The following OXR1 variants were observed in gnomAD, a reference collection of about 807,000 sequenced individuals.
OXR1 encodes the protein oxidation resistance protein 1.
Under a neutral mutation model 104.6 loss-of-function variants are expected in OXR1, and 41 were observed. The observed-to-expected ratio is 0.39, with a 90% CI of 0.31 to 0.51. OXR1 has a LOEUF of 0.51. Ranked by LOEUF, OXR1 falls within the 20% of genes least tolerant of loss-of-function variation. The pLI is 0.77. For synonymous variants in OXR1, 348 were observed against 348.4 expected, an observed-to-expected ratio of 1.00 and a Z score of 0.01; for missense variants, 955 against 1,031.9, an observed-to-expected ratio of 0.93 and a Z score of 1.02.
At chr8:106,640,470 T>C (rs1823537062) in intron 3 of OXR1, among the ~76,000 whole-genome samples, 1 of 151,856 alleles carries the variant, frequency 6.6e-6, no homozygotes, top group African/African-American at 2.4e-5. Context: ...CATTGAGACC[T>C]TAAGGATAAG....
At chr8:106,709,961 T>A (rs1264332019) in intron 9 of OXR1, among the ~76,000 whole-genome samples, 2 of 152,114 alleles carry the variant, frequency 1.3e-5, no homozygotes. Context: ...GTCTCCTGAC[T>A]ATAAGTGCTA....
intron 2 of OXR1, among the ~76,000 whole-genome samples, chr8:106,415,020 G>T (rs933611948): frequency 1.3e-5 from 2 of 152,080 alleles, no homozygotes; most frequent in African/African-American, 2.4e-5. Flanking sequence ...GAGGGGTGAT[G>T]GCCTGAATTT....
At chr8:106,688,456 GCCTAGGAAGT>G (rs902553707) in intron 6 of OXR1, among the ~76,000 whole-genome samples, 3 of 152,108 alleles carry the variant, frequency 2.0e-5, no homozygotes, top group African/African-American at 7.2e-5. Context: ...TCTGAGGAAG[GCCTAGGAAGT>G]CCTAAAGGAG....
At chr8:106,539,301 T>C (rs1814777634) in intron 3 of OXR1, among the ~76,000 whole-genome samples, 1 of 152,238 alleles carries the variant, frequency 6.6e-6, no homozygotes, top group African/African-American at 2.4e-5. Flanking sequence ...ATCTAAACAG[T>C]ATTTTGTAAT....
intron 3 of OXR1, among the ~76,000 whole-genome samples, chr8:106,524,041 G>T (rs773224304): frequency 3.1e-4 from 47 of 152,126 alleles, no homozygotes; most frequent in Non-Finnish European, 5.0e-4. Flanking sequence ...CTCCCAAAGT[G>T]CTGGGATTAC....
At chr8:106,665,068 G>T (rs1241687827) in intron 3 of OXR1, among the ~76,000 whole-genome samples, 1 of 152,138 alleles carries the variant, frequency 6.6e-6, no homozygotes, top group Non-Finnish European at 1.5e-5. Context: ...ATTAAAGAAA[G>T]ATTAATAAAG....
chr8:106,531,699 C>A (rs1012515696), intron 3 of OXR1, among the ~76,000 whole-genome samples: 1 of 152,060 alleles, frequency 6.6e-6, no homozygotes, highest in Non-Finnish European at 1.5e-5. Context: ...AGTACTATTT[C>A]AAGGGAGGCA....
chr8:106,429,070 A>G (rs568886506), intron 2 of OXR1, among the ~76,000 whole-genome samples: 2 of 152,280 alleles, frequency 1.3e-5, no homozygotes, highest in East Asian at 1.9e-4. Flanking sequence ...GTCAGGATTC[A>G]GATCCGAAGT....
intron 3 of OXR1, among the ~76,000 whole-genome samples, chr8:106,590,469 G>A (rs1818991874): frequency 6.6e-6 from 1 of 152,176 alleles, no homozygotes; most frequent in South Asian, 2.1e-4. Flanking sequence ...TGTATTTTTA[G>A]TAGAGACAGG....
rs1306151705 is a variant in OXR1, at chr8:106,692,653, T to G, written c.526-75T>G. The stretch of plus-strand genomic sequence containing the variant: ...CACTTATTGGGGAAAGCTATTCATT[T>G]GACTTTTTAATAGTGTGCTCATTTT... On this transcript the variant is annotated intron_variant, in intron 6 of 16. Transcript: ENST00000517566. The G allele has an allele frequency of 4.7e-6, 4 of 855,002 alleles. No homozygotes were observed. In the Admixed American group the frequency reaches 9.6e-5, roughly 21 times the overall value. The allele number at this position is 855,002 out of a possible 1,614,324, so 53.0% of individuals were successfully genotyped here. A position where few individuals can be genotyped will look rare whatever the true frequency, so the allele number is the denominator to read the frequency against.
intron 1 of OXR1, among the ~76,000 whole-genome samples, chr8:106,302,585 CAAA>C (rs201231695): frequency 1.6e-5 from 2 of 125,460 alleles, no homozygotes; most frequent in Non-Finnish European, 3.5e-5. Context: ...GATGCTGTCT[CAAA>C]AAAAAAAAAA....
intron 2 of OXR1, among the ~76,000 whole-genome samples, chr8:106,381,798 T>C (rs1316588691): frequency 6.6e-6 from 1 of 152,216 alleles, no homozygotes; most frequent in East Asian, 1.9e-4. Flanking sequence ...CATTCTGAAG[T>C]TTGAGGCAAG....
intron 8 of OXR1, 41 bp from the exon 9 acceptor site, chr8:106,706,341 A>C: frequency 6.9e-7 from 1 of 1,443,644 alleles, no homozygotes; most frequent in Non-Finnish European, 9.3e-7. Flanking sequence ...AAATACCACA[A>C]TTTTAAAAGT....
chr8:106,675,537 G>A (rs1356797366), intron 3 of OXR1, among the ~76,000 whole-genome samples: 1 of 152,060 alleles, frequency 6.6e-6, no homozygotes. Flanking sequence ...CTTGATTTCT[G>A]CCTTAATTTC....
chr8:106,552,802 T>C (rs1477398951), intron 3 of OXR1, among the ~76,000 whole-genome samples: 1 of 152,206 alleles, frequency 6.6e-6, no homozygotes, highest in East Asian at 1.9e-4. Context: ...GTTAAGTTCA[T>C]TTGTATGAAT....
chr8:106,750,019 C>A (rs1203527479), intron 16 of OXR1, among the ~76,000 whole-genome samples: 1 of 151,944 alleles, frequency 6.6e-6, no homozygotes, highest in Non-Finnish European at 1.5e-5. Flanking sequence ...GCTTCCTATG[C>A]AGGAAACCAG....
chr8:106,524,176 C>G (rs1033750012), intron 3 of OXR1, among the ~76,000 whole-genome samples: 1 of 152,082 alleles, frequency 6.6e-6, no homozygotes, highest in Non-Finnish European at 1.5e-5. Flanking sequence ...AACCACAGCC[C>G]CTACTTAAAG....
intron 7 of OXR1, among the ~76,000 whole-genome samples, chr8:106,694,529 G>A (rs1345111936): frequency 8.3e-6 from 1 of 120,290 alleles, no homozygotes; most frequent in Non-Finnish European, 1.6e-5. Context: ...ATATAAATAT[G>A]TTTATATATA....
At chr8:106,285,535 T>C (rs1018019301) in intron 1 of OXR1, among the ~76,000 whole-genome samples, 1 of 151,756 alleles carries the variant, frequency 6.6e-6, no homozygotes, top group Non-Finnish European at 1.5e-5. Flanking sequence ...ATATGTGCAA[T>C]TTCTGAAACG....
Sources: gnomAD v4.1 joint callset for allele counts (sites outside exome capture counted in the v4.1 genomes callset) on GRCh38, gnomAD v4.1.1 for gene constraint, MANE v1.5 for transcripts, NCBI Gene and HGNC (gene_info 2026-07-23, HGNC 2026-07-21) for gene names.